Variants in CRTC1 observed in about 807,000 individuals in gnomAD.
CRTC1 encodes CREB regulated transcription coactivator 1.
A neutral mutation model predicts 66.1 loss-of-function variants in CRTC1; 18 were observed. The observed-to-expected ratio is 0.27, with a 90% CI of 0.19 to 0.40. The LOEUF (loss-of-function observed/expected upper bound fraction) is 0.40, where lower values mean the gene tolerates loss of function less well. CRTC1 is among the 10% of genes least tolerant of loss of function. The pLI, the probability that CRTC1 is intolerant of heterozygous loss-of-function variation, is 1.00. For missense variants in CRTC1, 669 were observed against 887.9 expected (o/e 0.75, Z 3.13); for synonymous variants, 416 against 398.8 (o/e 1.04, Z -0.51).
At chr19:18,716,002 G>C (rs1047763735) in intron 1 of CRTC1, among the ~76,000 whole-genome samples, 2 of 152,190 alleles carry the variant, frequency 1.3e-5, no homozygotes, top group Non-Finnish European at 2.9e-5. Context: ...TTGGCGGGGG[G>C]GGTGTCGCCA....
At chr19:18,754,638 G>A (rs1183114746) in intron 6 of CRTC1, among the ~76,000 whole-genome samples, 1 of 152,202 alleles carries the variant, frequency 6.6e-6, no homozygotes, top group Non-Finnish European at 1.5e-5. Context: ...CAATAAACTA[G>A]AAACAGCCTG....
chr19:18,722,807 C>CT (rs1464135173), intron 1 of CRTC1, among the ~76,000 whole-genome samples: 1 of 152,216 alleles, frequency 6.6e-6, no homozygotes, highest in African/African-American at 2.4e-5. Context: ...AACCACTAAT[C>CT]TGTCTCTGTG....
chr19:18,769,495 A>G (rs2054814297), intron 10 of CRTC1, among the ~76,000 whole-genome samples: 1 of 152,162 alleles, frequency 6.6e-6, no homozygotes, highest in South Asian at 2.1e-4. Flanking sequence ...TGTCCTCCAA[A>G]CATTGTGTGC....
intron 4 of CRTC1, 21 bp downstream of exon 4, chr19:18,747,135 C>T (rs200947830): frequency 1.4e-5 from 12 of 853,426 alleles, no homozygotes; most frequent in South Asian, 7.9e-5. Context: ...GGACACCCCC[C>T]CCCCGCCCCC....
rs755004955 is a variant in CRTC1 at position 18,745,882 on chromosome 19, G to A, written c.303G>A (p.Val101=). 1.9e-6 allele frequency: 3 copies of A among 1,613,552 alleles called. No individual in the cohort carries two copies. Among genetic ancestry groups the A allele is most frequent in the African/African-American group, 1.3e-5 (1 of 74,944 alleles). ...GGACCACCCGGCACCATGGGCTGGT[G>A]GACAGGGTGTACCGGGAGCGTGGCC... ...TSRTTRHHGL[V]DRVYRERGRL... The change falls in exon 3 of 14, where the codon GTG becomes GTA. Residue 101 remains valine, a synonymous_variant. Transcript: ENST00000321949.
In CRTC1 at chr19:18,776,900, A is replaced by G. The variant is rs1207149993; in HGVS notation, c.1694-271A>G. Among the ~76,000 whole-genome samples the G allele has an allele frequency of 2.0e-5, 3 of 152,160 alleles. No homozygotes were observed. The East Asian group carries it at 5.8e-4, about 29-fold the overall frequency. On this transcript the variant is annotated intron_variant, in intron 13 of 13. Coordinates refer to ENST00000321949, the MANE Select transcript of CRTC1 (RefSeq NM_015321.3). ...TCATGCTGACGTGCATCAGTGACAC[A>G]GCCCTTGGCCCGAGGCTTCTCCTTG...
At chr19:18,746,931 C>T in intron 3 of CRTC1, 122 bp from the exon 4 acceptor site, 5 of 818,220 alleles carry the variant, frequency 6.1e-6, no homozygotes, top group Non-Finnish European at 8.3e-6. Flanking sequence ...CTACTGGTCC[C>T]AGCTGTTTGC....
At chr19:18,731,068 C>T (rs966068746) in intron 1 of CRTC1, among the ~76,000 whole-genome samples, 3 of 152,206 alleles carry the variant, frequency 2.0e-5, no homozygotes, top group Admixed American at 6.5e-5. Context: ...CACCCTCCAC[C>T]TCCTGGACTC....
At chr19:18,693,894 G>A (rs1009534825) in intron 1 of CRTC1, among the ~76,000 whole-genome samples, 10 of 151,948 alleles carry the variant, frequency 6.6e-5, no homozygotes, top group Non-Finnish European at 1.2e-4. Flanking sequence ...AGAGCTTTGG[G>A]AGGCCAAGGC....
At chr19:18,752,868 C>T (rs966785713) in intron 5 of CRTC1, among the ~76,000 whole-genome samples, 3 of 151,034 alleles carry the variant, frequency 2.0e-5, no homozygotes, top group Non-Finnish European at 4.4e-5. Flanking sequence ...AAACTCCTAA[C>T]CTCGGGCGAT....
chr19:18,734,363 G>A (rs1008840290), intron 1 of CRTC1, among the ~76,000 whole-genome samples: 3 of 151,848 alleles, frequency 2.0e-5, no homozygotes, highest in Admixed American at 1.3e-4. Context: ...TATTTTTCAT[G>A]TAAAAGATTA....
At chr19:18,743,507 G>A (rs555236431) in intron 2 of CRTC1, among the ~76,000 whole-genome samples, 22 of 152,294 alleles carry the variant, frequency 1.4e-4, no homozygotes, top group African/African-American at 2.6e-4. Flanking sequence ...GGCCCACAGC[G>A]GCCCTCTTCC....
At chr19:18,715,765 C>T (rs897393449) in intron 1 of CRTC1, among the ~76,000 whole-genome samples, 5 of 152,194 alleles carry the variant, frequency 3.3e-5, no homozygotes, top group Non-Finnish European at 5.9e-5. Context: ...AGGTGGGCTC[C>T]CAGGCAGGGG....
At chr19:18,730,733 GC>G (rs761474462) in intron 1 of CRTC1, among the ~76,000 whole-genome samples, 1 of 152,064 alleles carries the variant, frequency 6.6e-6, no homozygotes, top group African/African-American at 2.4e-5. Flanking sequence ...CAGGATCCCT[GC>G]CCCCTCTGGG....
chr19:18,737,166 G>A (rs756755025), intron 1 of CRTC1, among the ~76,000 whole-genome samples: 3 of 151,706 alleles, frequency 2.0e-5, no homozygotes, highest in Non-Finnish European at 4.4e-5. Context: ...AGAGGTGGGC[G>A]TTCTCCAGGG....
rs369328620 is a variant in CRTC1, at chr19:18,749,796, C to T, written c.459C>T (p.Ser153=). The part of the protein sequence containing the change: ...DTSWRRTNSD[S]ALHQSTMTPT... ...TCCCCACCAGGACCAATTCTGACTC[C>T]GCCCTGCACCAGAGCACAATGACGC... Residue 153 remains serine (S), a synonymous_variant, in exon 5 of 14, where the codon TCC becomes TCT. Transcript: ENST00000321949. The T allele has an allele frequency of 1.5e-5, 24 of 1,614,024 alleles. No individual in the cohort carries two copies. Among genetic ancestry groups the T allele is most frequent in the East Asian group, 1.1e-4 (5 of 44,884 alleles).
At position 18,775,817 on chromosome 19, in the gene CRTC1, C is replaced by A. The variant is rs761365916; in HGVS notation, c.1689C>A (p.Leu563=). ...ASHSGIPNII[L]TVTGESPPSL... ...ACAGTGGCATCCCCAACATCATCCT[C>A]ACAGGTGAGGCCAGGCCGGGGGCGC... Residue 563 remains leucine (L), a synonymous_variant, in exon 13 of 14, where the codon CTC becomes CTA. Coordinates refer to ENST00000321949, the MANE Select transcript of CRTC1 (RefSeq NM_015321.3). The A allele has an allele frequency of 6.2e-7, 1 of 1,600,086 alleles. No individual in the cohort carries two copies. Among genetic ancestry groups the A allele is most frequent in the South Asian group, 1.1e-5 (1 of 89,224 alleles).
At chr19:18,742,813 A>G (rs2145727159) in intron 1 of CRTC1, 97 bp from the exon 2 acceptor site, 5 of 862,590 alleles carry the variant, frequency 5.8e-6, no homozygotes, top group Admixed American at 5.4e-5. Flanking sequence ...TAGGCTGTCA[A>G]TCCCACCACT....
chr19:18,757,078 C>T (rs910070155), intron 6 of CRTC1, among the ~76,000 whole-genome samples: 12 of 152,186 alleles, frequency 7.9e-5, no homozygotes, highest in Non-Finnish European at 2.9e-5. Context: ...CATTTTGAGG[C>T]CAGCCCCACC....
Sources: allele counts gnomAD v4.1 joint callset (sites outside exome capture counted in the v4.1 genomes callset), GRCh38; gene constraint gnomAD v4.1.1; transcripts MANE v1.5; gene names NCBI Gene and HGNC (gene_info 2026-07-23, HGNC 2026-07-21).